Variants in SAV1 observed in about 807,000 individuals in gnomAD.
The protein encoded by SAV1 is protein salvador homolog 1.
A neutral mutation model predicts 47.3 loss-of-function variants in SAV1; 23 were observed. The ratio of observed to expected loss-of-function variants is 0.49; its 90% CI spans 0.35 to 0.69. The LOEUF is 0.69. Among genes scored for constraint, SAV1 ranks in the 30% least tolerant of loss-of-function variants. The pLI, the probability that SAV1 is intolerant of heterozygous loss-of-function variation, is 0.01. For missense variants in SAV1, 448 were observed against 457.4 expected (o/e 0.98, Z 0.19); for synonymous variants, 155 against 159.2 (o/e 0.97, Z 0.20).
chr14:50,656,130 T>G (rs1337535543), intron 2 of SAV1, among the ~76,000 whole-genome samples: 1 of 152,190 alleles, frequency 6.6e-6, no homozygotes, highest in Non-Finnish European at 1.5e-5. Flanking sequence ...CATACTTCCA[T>G]ATATGTACTG....
Position 50,635,043 on chromosome 14 carries a change from T to C in SAV1, c.*140A>G, listed in dbSNP as rs1566738600. 3.0e-6 allele frequency: 2 copies of C among 668,596 alleles called. No individual in the cohort carries two copies. The highest frequency in any genetic ancestry group is 4.1e-5 in the South Asian group (2 of 48,784). The allele number at this position is 668,596 out of a possible 1,614,324, so 41.4% of individuals were successfully genotyped here. ...TCATTCAATAAAAGAAAATTTCTAA[T>C]AACAAAATACATGTAAAGTTAGAAT... On this transcript the variant is annotated 3_prime_UTR_variant, in exon 5 of 5. Transcript: ENST00000324679.
intron 1 of SAV1, chr14:50,667,338 G>A: frequency 2.2e-6 from 1 of 445,866 alleles, no homozygotes; most frequent in South Asian, 1.6e-5. Flanking sequence ...TAAGAGTGAT[G>A]AGGCTTTGGG....
chr14:50,644,005 G>A (rs2039700952), intron 3 of SAV1, among the ~76,000 whole-genome samples: 1 of 152,172 alleles, frequency 6.6e-6, no homozygotes, highest in South Asian at 2.1e-4. Flanking sequence ...AGCTTTTGAA[G>A]CTCAAATGTG....
At chr14:50,659,469 A>G (rs1428851023) in intron 2 of SAV1, among the ~76,000 whole-genome samples, 1 of 152,214 alleles carries the variant, frequency 6.6e-6, no homozygotes, top group African/African-American at 2.4e-5. Flanking sequence ...AGTCATTTCA[A>G]CAAATGGCAG....
chr14:50,637,476 T>C (rs2039643216), intron 4 of SAV1, among the ~76,000 whole-genome samples: 1 of 152,178 alleles, frequency 6.6e-6, no homozygotes, highest in South Asian at 2.1e-4. Flanking sequence ...TCAAGATGGT[T>C]ACCATTTATA....
intron 4 of SAV1, among the ~76,000 whole-genome samples, chr14:50,640,062 C>T (rs1263990289): frequency 1.3e-5 from 2 of 152,182 alleles, no homozygotes; most frequent in East Asian, 1.9e-4. Flanking sequence ...TAGCTCACTG[C>T]GGCCTCAAAC....
At chr14:50,657,137 C>A (rs1305181915) in intron 2 of SAV1, among the ~76,000 whole-genome samples, 2 of 151,180 alleles carry the variant, frequency 1.3e-5, no homozygotes, top group African/African-American at 4.9e-5. Flanking sequence ...CTGGTTCAAG[C>A]GATTCTCCTG....
chr14:50,666,366 A>G (rs2039901378), intron 1 of SAV1, among the ~76,000 whole-genome samples: 2 of 152,258 alleles, frequency 1.3e-5, no homozygotes, highest in Non-Finnish European at 2.9e-5. Context: ...CGAAACTTGA[A>G]AACAGCTTAA....
intron 2 of SAV1, among the ~76,000 whole-genome samples, chr14:50,650,016 C>A (rs1286101996): frequency 6.6e-6 from 1 of 152,044 alleles, no homozygotes; most frequent in East Asian, 1.9e-4. Flanking sequence ...TCAAGTTTAC[C>A]TTTAAAGAAA....
intron 2 of SAV1, among the ~76,000 whole-genome samples, chr14:50,659,401 G>T (rs2039840163): frequency 6.6e-6 from 1 of 152,148 alleles, no homozygotes; most frequent in Admixed American, 6.5e-5. Context: ...GTAGGGGCCC[G>T]AATTTTGATA....
intron 2 of SAV1, among the ~76,000 whole-genome samples, chr14:50,655,234 T>C (rs2039802487): frequency 6.6e-6 from 1 of 152,202 alleles, no homozygotes; most frequent in Non-Finnish European, 1.5e-5. Flanking sequence ...TTCTAATATG[T>C]TCATTATGTT....
chr14:50,636,833 G>C (rs913596000), intron 4 of SAV1, among the ~76,000 whole-genome samples: 1 of 152,148 alleles, frequency 6.6e-6, no homozygotes, highest in African/African-American at 2.4e-5. Flanking sequence ...TTAGGGAAAC[G>C]CATGTTATAC....
intron 1 of SAV1, among the ~76,000 whole-genome samples, chr14:50,666,484 T>C (rs1160659181): frequency 2.0e-5 from 3 of 152,194 alleles, no homozygotes; most frequent in African/African-American, 7.2e-5. Flanking sequence ...CTCATATTAA[T>C]AAGCTTCAGA....
At position 50,644,801 on chromosome 14, in the gene SAV1, G is replaced by C. The variant is rs2039707375; in HGVS notation, c.749C>G (p.Thr250Ser). ...CTTATTTGTGTGATCTACATAATAGGTTCCAAATTCGGATGACTCAACTCG... is the reference window on the plus strand; with the variant it reads ...CTTATTTGTGTGATCTACATAATAGCTTCCAAATTCGGATGACTCAACTCG... Reference protein sequence around the residue: ...WERVESSEFGTYYVDHTNKKA... With the variant: ...WERVESSEFGSYYVDHTNKKA... Residue 250 changes from threonine to serine, a missense_variant, in exon 3 of 5, where the codon ACC (threonine) becomes AGC (serine). By Grantham distance (58) the Thr-to-Ser change is moderately conservative (BLOSUM62 1). Coordinates refer to ENST00000324679, the MANE Select transcript of SAV1 (RefSeq NM_021818.4). 3.7e-6 allele frequency: 6 copies of C among 1,614,000 alleles called. No individual in the cohort carries two copies. Among genetic ancestry groups the C allele is most frequent in the Admixed American group, 1.7e-5 (1 of 59,996 alleles).
Position 50,635,011 on chromosome 14 carries a change from AT to A in SAV1, c.*171del. The stretch of plus-strand genomic sequence containing the variant: ...TATTGGCTCTTAAAATGATAGACTA[AT>A]TTTTCTCATTCAATAAAAGAAAATT... On this transcript the variant is annotated 3_prime_UTR_variant, in exon 5 of 5. Transcript: ENST00000324679. The A allele has an allele frequency of 1.7e-6, 1 of 597,986 alleles. No homozygotes were observed. Among genetic ancestry groups the A allele is most frequent in the South Asian group, 2.1e-5 (1 of 47,038 alleles). The allele number at this position is 597,986 out of a possible 1,614,324, so 37.0% of individuals were successfully genotyped here.
intron 4 of SAV1, among the ~76,000 whole-genome samples, chr14:50,640,024 C>T (rs967277527): frequency 1.3e-5 from 2 of 152,186 alleles, no homozygotes. Flanking sequence ...TGCTCTGTCA[C>T]CCAGGCTGGA....
intron 3 of SAV1, among the ~76,000 whole-genome samples, chr14:50,641,875 T>G (rs974198132): frequency 6.6e-6 from 1 of 152,178 alleles, no homozygotes; most frequent in Non-Finnish European, 1.5e-5. Context: ...TACAAAGGAA[T>G]AGAAATCATT....
intron 2 of SAV1, among the ~76,000 whole-genome samples, chr14:50,656,304 T>C (rs116142223): frequency 0.012 from 1,846 of 152,226 alleles, 38 homozygotes; most frequent in African/African-American, 0.041. Flanking sequence ...AAAGGAGCCA[T>C]GAAGTACCCA....
chr14:50,650,018 T>C (rs191692443), intron 2 of SAV1, among the ~76,000 whole-genome samples: 33 of 152,254 alleles, frequency 2.2e-4, no homozygotes, highest in Admixed American at 2.2e-3. Context: ...AAGTTTACCT[T>C]TAAAGAAAGG....
Sources: allele counts gnomAD v4.1 joint callset (sites outside exome capture counted in the v4.1 genomes callset), GRCh38; gene constraint gnomAD v4.1.1; transcripts MANE v1.5; gene names NCBI Gene and HGNC (gene_info 2026-07-23, HGNC 2026-07-21).